Variants in KIAA1217 observed in about 807,000 individuals in gnomAD.
KIAA1217 encodes the protein KIAA1217.
A neutral mutation model predicts 163.9 loss-of-function variants in KIAA1217; 88 were observed. That is an observed-to-expected ratio of 0.54 (90% CI 0.45 to 0.64). KIAA1217 has a LOEUF of 0.64. KIAA1217 is among the 30% of genes least tolerant of loss of function. The probability of loss-of-function intolerance (pLI) is 0.00; values close to 1 mark genes in which losing one functional copy is unlikely to be tolerated. For missense variants in KIAA1217, 2,372 were observed against 2,475.0 expected (o/e 0.96, Z 0.88); for synonymous variants, 903 against 923.1 (o/e 0.98, Z 0.39).
At chr10:24,330,366 T>TTTTG (rs1048508914) in intron 2 of KIAA1217, among the ~76,000 whole-genome samples, 1 of 152,082 alleles carries the variant, frequency 6.6e-6, no homozygotes, top group Non-Finnish European at 1.5e-5. Context: ...TTTGGACATT[T>TTTTG]TTTGTTTGTT....
chr10:24,531,478 C>G (rs929810162), intron 14 of KIAA1217, among the ~76,000 whole-genome samples: 17 of 152,094 alleles, frequency 1.1e-4, no homozygotes, highest in African/African-American at 4.1e-4. Flanking sequence ...TCAGCTTTTT[C>G]CATAACAAGA....
Position 24,473,624 on chromosome 10 carries a change from C to G in KIAA1217, c.1243C>G (p.Leu415Val), listed in dbSNP as rs200156016. The G allele has an allele frequency of 1.6e-5, 26 of 1,614,012 alleles. No homozygotes were observed. The highest frequency in any genetic ancestry group is 2.1e-5 in the Non-Finnish European group (25 of 1,179,990). The change falls in exon 6 of 21, where the codon CTG (leucine) becomes GTG (valine). Residue 415 changes from leucine (L) to valine (V), a missense_variant. Leu to Val is a conservative substitution (Grantham distance 32, BLOSUM62 1). Transcript: ENST00000376454. ...SIASSHGGHP[L>V]DVPDHIIAYH... ...AGCCTCATCCCATGGTGGACACCCA[C>G]TGGATGTCCCCGACCACATCATTGC...
At chr10:24,141,169 C>G (rs1336416875) in intron 2 of KIAA1217, among the ~76,000 whole-genome samples, 4 of 149,958 alleles carry the variant, frequency 2.7e-5, no homozygotes, top group Non-Finnish European at 5.9e-5. Context: ...GGAGAATCCC[C>G]TTATTTCTGG....
intron 2 of KIAA1217, among the ~76,000 whole-genome samples, chr10:24,317,489 A>G (rs2043549721): frequency 6.6e-6 from 1 of 152,070 alleles, no homozygotes; most frequent in African/African-American, 2.4e-5. Flanking sequence ...GAGTGTCACG[A>G]TGGGGTTGGC....
intron 1 of KIAA1217, among the ~76,000 whole-genome samples, chr10:23,935,204 A>G (rs1466368887): frequency 6.6e-6 from 1 of 152,226 alleles, no homozygotes; most frequent in Non-Finnish European, 1.5e-5. Flanking sequence ...CGTGTGTGGA[A>G]TTCTTGGCCA....
At chr10:23,707,185 A>T (rs1048970976) in intron 1 of KIAA1217, among the ~76,000 whole-genome samples, 1 of 152,192 alleles carries the variant, frequency 6.6e-6, no homozygotes. Flanking sequence ...GATTTGTATG[A>T]TGAAGGGAAG....
chr10:24,494,685 C>A (rs575818026), intron 7 of KIAA1217, 81 bp downstream of exon 7: 4 of 995,296 alleles, frequency 4.0e-6, no homozygotes, highest in Non-Finnish European at 6.1e-6. Flanking sequence ...TCATTCAAAT[C>A]TGTTTTCTTG....
intron 10 of KIAA1217, 137 bp downstream of exon 10, chr10:24,513,571 C>A: frequency 1.3e-6 from 1 of 766,730 alleles, no homozygotes; most frequent in Non-Finnish European, 2.1e-6. Flanking sequence ...TAGAGTTCTG[C>A]TGATGCTGGT....
chr10:24,018,553 CATAATAATAATAAAAA>C (rs1265138804), intron 2 of KIAA1217, among the ~76,000 whole-genome samples: 1 of 149,686 alleles, frequency 6.7e-6, no homozygotes, highest in Non-Finnish European at 1.5e-5. Context: ...AAACTTAAAG[CATAATAATAATAAAAA>C]ATAATAATAA....
intron 1 of KIAA1217, among the ~76,000 whole-genome samples, chr10:23,804,466 C>T (rs1238725690): frequency 6.6e-6 from 1 of 152,130 alleles, no homozygotes; most frequent in Non-Finnish European, 1.5e-5. Context: ...TAAGATAACA[C>T]CTAACAACCA....
At chr10:24,490,565 A>T (rs2065976888) in intron 6 of KIAA1217, among the ~76,000 whole-genome samples, 1 of 152,274 alleles carries the variant, frequency 6.6e-6, no homozygotes, top group Admixed American at 6.5e-5. Flanking sequence ...TGTATAAATC[A>T]GATAATGTCC....
intron 1 of KIAA1217, among the ~76,000 whole-genome samples, chr10:23,933,502 A>G (rs1229787577): frequency 2.0e-5 from 3 of 152,200 alleles, no homozygotes; most frequent in Non-Finnish European, 4.4e-5. Context: ...CTAAAATTAC[A>G]TGATTTTCTG....
chr10:24,464,406 G>C (rs16924794), intron 5 of KIAA1217, among the ~76,000 whole-genome samples: 1 of 152,060 alleles, frequency 6.6e-6, no homozygotes, highest in Non-Finnish European at 1.5e-5. Context: ...GCATTGAACC[G>C]ACCGACTCTC....
intron 1 of KIAA1217, among the ~76,000 whole-genome samples, chr10:23,728,652 C>G (rs142399006): frequency 6.6e-6 from 1 of 152,120 alleles, no homozygotes; most frequent in Admixed American, 6.5e-5. Context: ...TGTGCAGAAG[C>G]TTTTTAGTTT....
At chr10:23,989,396 G>A (rs1485487952) in intron 1 of KIAA1217, among the ~76,000 whole-genome samples, 3 of 152,186 alleles carry the variant, frequency 2.0e-5, no homozygotes, top group Admixed American at 2.0e-4. Flanking sequence ...CTTTGATAAA[G>A]AAGTGGATAG....
intron 1 of KIAA1217, among the ~76,000 whole-genome samples, chr10:23,865,446 C>CTATTG (rs1840139007): frequency 6.6e-6 from 1 of 151,980 alleles, no homozygotes; most frequent in Non-Finnish European, 1.5e-5. Context: ...ATTGTTTTTT[C>CTATTG]TTATCAATTT....
intron 1 of KIAA1217, among the ~76,000 whole-genome samples, chr10:23,856,951 C>T (rs900480475): frequency 1.3e-5 from 2 of 152,238 alleles, no homozygotes; most frequent in Admixed American, 6.5e-5. Flanking sequence ...CTCCCTGACC[C>T]CTTGCGCTTC....
chr10:24,258,255 G>A (rs1367275722), intron 2 of KIAA1217, among the ~76,000 whole-genome samples: 1 of 152,152 alleles, frequency 6.6e-6, no homozygotes, highest in Non-Finnish European at 1.5e-5. Context: ...GAAAGTGATT[G>A]TAGACAAGAG....
At chr10:24,036,051 A>T (rs940265547) in intron 2 of KIAA1217, among the ~76,000 whole-genome samples, 2 of 152,254 alleles carry the variant, frequency 1.3e-5, no homozygotes, top group African/African-American at 4.8e-5. Flanking sequence ...CCAGCGGAGC[A>T]CAGGGTTACT....
Sources: gnomAD v4.1 joint callset for allele counts (sites outside exome capture counted in the v4.1 genomes callset) on GRCh38, gnomAD v4.1.1 for gene constraint, MANE v1.5 for transcripts, NCBI Gene and HGNC (gene_info 2026-07-23, HGNC 2026-07-21) for gene names.